The following THSD7B variants were observed in gnomAD, a reference collection of about 807,000 sequenced individuals.
THSD7B encodes the protein thrombospondin type-1 domain-containing protein 7B.
A neutral mutation model predicts 213.6 loss-of-function variants in THSD7B; 138 were observed. That is an observed-to-expected ratio of 0.65 (90% CI 0.56 to 0.74). THSD7B has a LOEUF of 0.74. Among genes scored for constraint, THSD7B ranks in the 30% least tolerant of loss-of-function variants. The probability of loss-of-function intolerance (pLI) is 0.00; values close to 1 mark genes in which losing one functional copy is unlikely to be tolerated. For synonymous variants in THSD7B, 742 were observed against 687.0 expected (o/e 1.08, Z -1.25); for missense variants, 1,931 against 1,991.5 (o/e 0.97, Z 0.58).
intron 14 of THSD7B, among the ~76,000 whole-genome samples, chr2:137,424,292 A>T (rs768462232): frequency 6.6e-6 from 1 of 152,304 alleles, no homozygotes. Context: ...CACTAGAAAC[A>T]AAAGAAAAAA....
intron 2 of THSD7B, among the ~76,000 whole-genome samples, chr2:137,041,180 G>A (rs552047809): frequency 6.6e-6 from 1 of 152,232 alleles, no homozygotes; most frequent in South Asian, 2.1e-4. Context: ...TGTGGTCTCT[G>A]CGTGGATAAA....
intron 3 of THSD7B, among the ~76,000 whole-genome samples, chr2:137,086,189 T>A (rs190847972): frequency 6.6e-6 from 1 of 151,888 alleles, no homozygotes; most frequent in Non-Finnish European, 1.5e-5. Context: ...ATACAAAAAT[T>A]AGCTGGGCGT....
At chr2:136,873,922 T>C (rs1683485158) in intron 1 of THSD7B, among the ~76,000 whole-genome samples, 1 of 152,168 alleles carries the variant, frequency 6.6e-6, no homozygotes, top group Non-Finnish European at 1.5e-5. Context: ...TCAGGACTGT[T>C]TTGTGACCCA....
intron 2 of THSD7B, among the ~76,000 whole-genome samples, chr2:137,006,118 G>C (rs966546976): frequency 4.6e-5 from 7 of 152,194 alleles, no homozygotes; most frequent in African/African-American, 1.7e-4. Flanking sequence ...ATAGGGCCGG[G>C]AGCGGTGGCT....
chr2:137,638,285 G>A (rs767511793), intron 20 of THSD7B, among the ~76,000 whole-genome samples: 55 of 152,144 alleles, frequency 3.6e-4, no homozygotes, highest in Non-Finnish European at 6.8e-4. Flanking sequence ...CATGGGTGCC[G>A]GTCTTTCCCG....
At chr2:137,002,063 A>G (rs1686009895) in intron 2 of THSD7B, among the ~76,000 whole-genome samples, 1 of 152,142 alleles carries the variant, frequency 6.6e-6, no homozygotes, top group South Asian at 2.1e-4. Flanking sequence ...TCCAGCAAGA[A>G]GGTATGACTT....
chr2:137,600,919 G>A (rs1682065229), intron 17 of THSD7B, among the ~76,000 whole-genome samples: 1 of 152,110 alleles, frequency 6.6e-6, no homozygotes, highest in Admixed American at 6.5e-5. Flanking sequence ...TGATGATCCG[G>A]ACCCTGTGTG....
intron 5 of THSD7B, among the ~76,000 whole-genome samples, chr2:137,155,541 G>C (rs1679895466): frequency 6.6e-6 from 1 of 152,190 alleles, no homozygotes; most frequent in South Asian, 2.1e-4. Flanking sequence ...TCAGTAGACA[G>C]TAAATTCCAT....
intron 15 of THSD7B, among the ~76,000 whole-genome samples, chr2:137,515,877 G>A (rs879395868): frequency 3.9e-5 from 6 of 152,246 alleles, no homozygotes; most frequent in African/African-American, 7.2e-5. Flanking sequence ...CCTACTAATC[G>A]CAGCTGGGAG....
intron 20 of THSD7B, among the ~76,000 whole-genome samples, chr2:137,640,144 G>A (rs1057198686): frequency 1.8e-4 from 28 of 152,260 alleles, no homozygotes; most frequent in African/African-American, 6.0e-4. Flanking sequence ...CCTGTTGTGG[G>A]AGGGACCCAG....
chr2:136,967,370 C>T (rs1685338053), intron 2 of THSD7B, among the ~76,000 whole-genome samples: 1 of 152,142 alleles, frequency 6.6e-6, no homozygotes, highest in South Asian at 2.1e-4. Flanking sequence ...ACATTCATTT[C>T]TCCTCGTTCT....
intron 1 of THSD7B, among the ~76,000 whole-genome samples, chr2:136,840,738 G>A (rs558884167): frequency 1.2e-4 from 19 of 152,242 alleles, no homozygotes; most frequent in African/African-American, 4.6e-4. Context: ...TATATTCCAG[G>A]GAACTTGCTC....
chr2:137,179,119 C>T (rs1680408766), intron 7 of THSD7B, among the ~76,000 whole-genome samples: 1 of 152,112 alleles, frequency 6.6e-6, no homozygotes, highest in Non-Finnish European at 1.5e-5. Context: ...ATAGATTGTA[C>T]TGATATTTCA....
At chr2:137,592,941 T>C (rs1199079568) in intron 17 of THSD7B, among the ~76,000 whole-genome samples, 1 of 151,924 alleles carries the variant, frequency 6.6e-6, no homozygotes, top group Non-Finnish European at 1.5e-5. Context: ...TGTAGTGAAA[T>C]AATACCCTAG....
chr2:137,175,465 G>T (rs1437486569), intron 7 of THSD7B, among the ~76,000 whole-genome samples: 2 of 152,022 alleles, frequency 1.3e-5, no homozygotes, highest in Admixed American at 6.6e-5. Flanking sequence ...TGCATACAAG[G>T]TTTTTTTATT....
At chr2:137,602,038 T>C (rs1308576911) in intron 17 of THSD7B, among the ~76,000 whole-genome samples, 2 of 152,218 alleles carry the variant, frequency 1.3e-5, no homozygotes, top group African/African-American at 4.8e-5. Context: ...CCCTCTCACA[T>C]TTACCTGTGT....
At chr2:137,502,742 A>G (rs1679739270) in intron 15 of THSD7B, among the ~76,000 whole-genome samples, 1 of 152,172 alleles carries the variant, frequency 6.6e-6, no homozygotes. Flanking sequence ...TTTGTCATCA[A>G]ATTACTCTTA....
intron 3 of THSD7B, among the ~76,000 whole-genome samples, chr2:137,068,998 C>T (rs960292943): frequency 4.6e-5 from 7 of 152,002 alleles, no homozygotes; most frequent in African/African-American, 7.2e-5. Context: ...TCGCCTCAAA[C>T]GATTTTCTTT....
chr2:137,239,520 A>G (rs1039328866), intron 9 of THSD7B, among the ~76,000 whole-genome samples: 4 of 152,088 alleles, frequency 2.6e-5, no homozygotes, highest in Non-Finnish European at 5.9e-5. Flanking sequence ...AGTATATATC[A>G]CTGGCCCTTC....
Sources: allele counts gnomAD v4.1 joint callset (sites outside exome capture counted in the v4.1 genomes callset), GRCh38; gene constraint gnomAD v4.1.1; transcripts MANE v1.5; gene names NCBI Gene and HGNC (gene_info 2026-07-23, HGNC 2026-07-21).